Variants in ADCY1 observed in about 807,000 individuals in gnomAD.
ADCY1 encodes adenylate cyclase 1, also known as adenylate cyclase type 1.
In ADCY1, 28 loss-of-function variants were observed where a neutral mutation model predicts 105.4. The observed-to-expected ratio is 0.27, with a 90% CI of 0.20 to 0.36. ADCY1 has a LOEUF of 0.36. Ranked by LOEUF, ADCY1 falls within the 10% of genes least tolerant of loss-of-function variation. ADCY1 has a pLI of 1.00. For synonymous variants in ADCY1, 655 were observed against 623.8 expected (o/e 1.05, Z -0.75); for missense variants, 977 against 1,434.2 (o/e 0.68, Z 5.15).
intron 4 of ADCY1, among the ~76,000 whole-genome samples, chr7:45,626,496 G>A (rs935930388): frequency 1.1e-4 from 16 of 152,174 alleles, no homozygotes; most frequent in African/African-American, 2.7e-4. Flanking sequence ...TGCTGGCAGA[G>A]GTTAGGATAT....
chr7:45,639,955 G>C (rs1794493437), intron 4 of ADCY1, among the ~76,000 whole-genome samples: 1 of 152,192 alleles, frequency 6.6e-6, no homozygotes, highest in Admixed American at 6.5e-5. Context: ...CTGATCCATG[G>C]GGACCCAACA....
chr7:45,700,613 T>C (rs539243911), intron 14 of ADCY1, among the ~76,000 whole-genome samples: 29 of 152,282 alleles, frequency 1.9e-4, no homozygotes, highest in Admixed American at 1.6e-3. Flanking sequence ...TTTATAGTGA[T>C]TGTATCTGAG....
rs145997916 is a variant in ADCY1, at chr7:45,647,002, C to T, written c.1021-1668C>T. On this transcript the variant is annotated intron_variant, in intron 4 of 19. Coordinates refer to ENST00000297323, the MANE Select transcript of ADCY1 (RefSeq NM_021116.4). The surrounding 1 kb of genome is among the most constrained non-coding windows in gnomAD (Gnocchi z 4.6). ...CTGATCACCTCCTCCCCTTTTCTCC[C>T]GTCCATGGTCTTGGAGTGCTGAGGG... Among the ~76,000 whole-genome samples, 93 of 152,358 alleles carry T rather than the reference C, an allele frequency of 6.1e-4. No homozygotes were observed. Among genetic ancestry groups the T allele is most frequent in the Non-Finnish European group, 1.1e-3 (72 of 68,036 alleles).
Position 45,677,990 on chromosome 7 carries a change from G to T in ADCY1, c.1727G>T (p.Arg576Leu). The stretch of plus-strand genomic sequence containing the variant: ...TACATCAGCCGCCTCTTAGAAGCCC[G>T]CCAGACAGAGCTGGAGATGGCAGAC... Reference protein sequence around the residue: ...NRYISRLLEARQTELEMADLN... With the variant: ...NRYISRLLEALQTELEMADLN... Residue 576 changes from arginine (R) to leucine (L), a missense_variant, in exon 9 of 20, where the codon CGC becomes CTC. Physicochemically the swap from Arg to Leu is moderately radical, Grantham distance 102 (BLOSUM62 -2). Transcript: ENST00000297323. 6.2e-7 allele frequency: 1 copy of T among 1,614,180 alleles called. No individual in the cohort carries two copies. Among genetic ancestry groups the T allele is most frequent in the Non-Finnish European group, 8.5e-7 (1 of 1,180,042 alleles).
chr7:45,607,687 G>A (rs771046672), intron 2 of ADCY1, among the ~76,000 whole-genome samples: 56 of 152,310 alleles, frequency 3.7e-4, no homozygotes, highest in Middle Eastern at 3.4e-3. Flanking sequence ...CCACTCGTAA[G>A]TGAGAACATG....
At chr7:45,664,362 G>T in intron 8 of ADCY1, 1 of 1,536,074 alleles carries the variant, frequency 6.5e-7, no homozygotes, top group Non-Finnish European at 8.7e-7. Flanking sequence ...CAACGGGGAC[G>T]ACTGTGCACG....
intron 4 of ADCY1, among the ~76,000 whole-genome samples, chr7:45,629,767 C>T (rs1359774810): frequency 3.3e-5 from 5 of 152,198 alleles, no homozygotes; most frequent in African/African-American, 9.7e-5. Context: ...GATCCACCCG[C>T]CTCGGCCTCC....
chr7:45,632,650 A>C (rs1794289975), intron 4 of ADCY1, among the ~76,000 whole-genome samples: 1 of 151,918 alleles, frequency 6.6e-6, no homozygotes, highest in Non-Finnish European at 1.5e-5. Context: ...TGCAGCCTCC[A>C]CCTCCTGGGC....
At chr7:45,634,124 T>C (rs1435358097) in intron 4 of ADCY1, among the ~76,000 whole-genome samples, 1 of 152,224 alleles carries the variant, frequency 6.6e-6, no homozygotes, top group Non-Finnish European at 1.5e-5. Flanking sequence ...CACTCATTTC[T>C]GGTAGGTTTC....
At chr7:45,601,344 C>G (rs1322021641) in intron 2 of ADCY1, among the ~76,000 whole-genome samples, 1 of 152,154 alleles carries the variant, frequency 6.6e-6, no homozygotes, top group Non-Finnish European at 1.5e-5. Context: ...CTGGGCAGCT[C>G]CCTAACTGGC....
At chr7:45,594,266 T>G (rs954702623) in intron 2 of ADCY1, among the ~76,000 whole-genome samples, 21 of 152,218 alleles carry the variant, frequency 1.4e-4, no homozygotes, top group African/African-American at 4.8e-4. Context: ...TGTGTCGGTG[T>G]GTGTATAAAT....
At chr7:45,705,282 C>T (rs943607147) in intron 17 of ADCY1, among the ~76,000 whole-genome samples, 1 of 152,160 alleles carries the variant, frequency 6.6e-6, no homozygotes, top group Non-Finnish European at 1.5e-5. Context: ...AAGAAAATTA[C>T]AGACCAATAT....
intron 3 of ADCY1, among the ~76,000 whole-genome samples, chr7:45,622,311 A>G (rs1379336582): frequency 6.6e-6 from 1 of 152,054 alleles, no homozygotes; most frequent in Admixed American, 6.6e-5. Flanking sequence ...AACCTCCCCA[A>G]GAAGGGGAGG....
chr7:45,591,735 G>A lies in ADCY1; in HGVS notation c.640-1024G>A, dbSNP rs146194077. ...GTCCAGACCCAGTGGTCTGCAAGAC[G>A]TAGAGACAGATCAGATGAGGAGACC... On this transcript the variant is annotated intron_variant, in intron 1 of 19. Transcript: ENST00000297323. The surrounding 1 kb of genome is among the most constrained non-coding windows in gnomAD (Gnocchi z 4.1). Among the ~76,000 whole-genome samples, 1 of 152,368 alleles carries A rather than the reference G, an allele frequency of 6.6e-6. No homozygotes were observed. The highest frequency in any genetic ancestry group is 2.4e-5 in the African/African-American group (1 of 41,592).
At chr7:45,670,261 A>G (rs1784338933) in intron 8 of ADCY1, among the ~76,000 whole-genome samples, 1 of 152,030 alleles carries the variant, frequency 6.6e-6, no homozygotes, top group Admixed American at 6.5e-5. Context: ...TGTATCATCT[A>G]CTCACTGAAG....
chr7:45,612,003 G>A (rs1274961686), intron 3 of ADCY1, among the ~76,000 whole-genome samples: 1 of 152,146 alleles, frequency 6.6e-6, no homozygotes, highest in Non-Finnish European at 1.5e-5. Context: ...AGGTTTGTGG[G>A]TCCATCAGAG....
chr7:45,664,481 G>A, intron 8 of ADCY1: 3 of 1,497,920 alleles, frequency 2.0e-6, no homozygotes, highest in Non-Finnish European at 2.7e-6. Context: ...TCTTCTCTCA[G>A]CACTCTCTCC....
At chr7:45,676,145 C>T (rs549173183) in intron 8 of ADCY1, among the ~76,000 whole-genome samples, 53 of 151,956 alleles carry the variant, frequency 3.5e-4, no homozygotes, top group African/African-American at 1.2e-3. Context: ...GTGTGCACTT[C>T]AGTCTGCAGT....
At chr7:45,697,142 C>G (rs1376331696) in intron 14 of ADCY1, among the ~76,000 whole-genome samples, 2 of 152,140 alleles carry the variant, frequency 1.3e-5, no homozygotes, top group East Asian at 3.9e-4. Flanking sequence ...ATCCTACCCC[C>G]ACATTTTATA....
Sources: gnomAD v4.1 joint callset for allele counts (sites outside exome capture counted in the v4.1 genomes callset) on GRCh38, gnomAD v4.1.1 for gene constraint, Gnocchi (gnomAD v3.1) non-coding constraint, MANE v1.5 for transcripts, NCBI Gene and HGNC (gene_info 2026-07-23, HGNC 2026-07-21) for gene names.